BPNT1: variants seen among roughly 807,000 people sequenced by gnomAD.
BPNT1 encodes 3'(2'),5'-bisphosphate nucleotidase 1.
In BPNT1, 28 loss-of-function variants were observed where a neutral mutation model predicts 36.9. The observed-to-expected ratio is 0.76, with a 90% CI of 0.56 to 1.04. The LOEUF is 1.04. Ranked by LOEUF, BPNT1 falls within the 50% of genes least tolerant of loss-of-function variation. The probability of loss-of-function intolerance (pLI) is 0.00; values close to 1 mark genes in which losing one functional copy is unlikely to be tolerated. For missense variants in BPNT1, 313 were observed against 372.9 expected (o/e 0.84, Z 1.32); for synonymous variants, 119 against 130.9 (o/e 0.91, Z 0.62).
Position 220,059,749 on chromosome 1 carries a change from C to A in BPNT1, c.715G>T (p.Ala239Ser), listed in dbSNP as rs374532533. The change falls in exon 8 of 9, where the codon GCA becomes TCA. Residue 239 changes from alanine to serine, a missense_variant. Transcript: ENST00000322067. ...TCCCACTTCTTACAACCAGGACTTG[C>A]AAATACATAAGCAGAGGCTTTGCCT... ...IEGKASAYVF[A>S]SPGCKKWDTC... 98 of 1,610,884 alleles carry A rather than the reference C, an allele frequency of 6.1e-5. 1 individual carries two copies. Among genetic ancestry groups the A allele is most frequent in the South Asian group, 3.0e-4 (27 of 90,352 alleles).
At chr1:220,061,533 CAAA>C (rs533686309) in intron 7 of BPNT1, among the ~76,000 whole-genome samples, 2 of 78,238 alleles carry the variant, frequency 2.6e-5, no homozygotes, top group Non-Finnish European at 2.4e-5. Context: ...GACTCCGTCT[CAAA>C]AAAAAAAAAA....
chr1:220,077,424 A>G (rs2102722438), intron 2 of BPNT1, among the ~76,000 whole-genome samples: 1 of 151,916 alleles, frequency 6.6e-6, no homozygotes, highest in Non-Finnish European at 1.5e-5. Context: ...TTTTAGAGAC[A>G]GGGTTTTACT....
At chr1:220,080,022 C>T (rs547646316) in intron 1 of BPNT1, among the ~76,000 whole-genome samples, 168 bp from the exon 2 acceptor site, 1 of 152,148 alleles carries the variant, frequency 6.6e-6, no homozygotes, top group African/African-American at 2.4e-5. Context: ...CGAAAAAACT[C>T]GATTTGGGCA....
At chr1:220,062,578 A>G (rs958769505) in intron 7 of BPNT1, among the ~76,000 whole-genome samples, 179 bp downstream of exon 7, 7 of 151,942 alleles carry the variant, frequency 4.6e-5, no homozygotes, top group Non-Finnish European at 1.0e-4. Context: ...AGTCTTTGCT[A>G]TTGTGAATAG....
At chr1:220,086,843 C>T (rs1655773055) in intron 1 of BPNT1, among the ~76,000 whole-genome samples, 1 of 151,026 alleles carries the variant, frequency 6.6e-6, no homozygotes. Flanking sequence ...GCTGAGATTA[C>T]AGGTGTGAGC....
Position 220,058,532 on chromosome 1 carries a change from TTG to T in BPNT1, c.*310_*311del. The T allele has an allele frequency of 1.0e-6, 1 of 999,808 alleles. No individual in the cohort carries two copies. The highest frequency in any genetic ancestry group is 1.2e-6 in the Non-Finnish European group (1 of 833,844). The allele number at this position is 999,808 out of a possible 1,614,324, so 61.9% of individuals were successfully genotyped here. A position where few individuals can be genotyped will look rare whatever the true frequency, so the allele number is the denominator to read the frequency against. On this transcript the variant is annotated 3_prime_UTR_variant, in exon 9 of 9. Coordinates refer to ENST00000322067, the MANE Select transcript of BPNT1 (RefSeq NM_006085.6). ...GAAACTTTAAGTACTTTTTGGGTTT[TTG>T]TTTTTTTTTTTTCTGAGACAGGGCT... is the stretch of plus-strand genomic sequence containing the variant.
chr1:220,075,414 C>G (rs1664458633), intron 2 of BPNT1, among the ~76,000 whole-genome samples: 2 of 152,276 alleles, frequency 1.3e-5, no homozygotes, highest in South Asian at 4.1e-4. Flanking sequence ...TGTTTTATGC[C>G]TCACTGAGAT....
chr1:220,074,142 G>T, intron 2 of BPNT1, 71 bp from the exon 3 acceptor site: 1 of 1,344,088 alleles, frequency 7.4e-7, no homozygotes, highest in East Asian at 2.3e-5. Context: ...TTGTGCATGA[G>T]TGCCTACATA....
intron 3 of BPNT1, among the ~76,000 whole-genome samples, chr1:220,073,574 G>A (rs546003470): frequency 6.6e-6 from 1 of 152,302 alleles, no homozygotes; most frequent in South Asian, 2.1e-4. Context: ...TTACAGGCGT[G>A]AGCCACTGCG....
At chr1:220,078,320 T>G (rs1291592293) in intron 2 of BPNT1, among the ~76,000 whole-genome samples, 1 of 144,258 alleles carries the variant, frequency 6.9e-6, no homozygotes, top group East Asian at 2.0e-4. Context: ...ATATAATATA[T>G]ATAACATATA....
At chr1:220,082,712 G>A (rs1047330910) in intron 1 of BPNT1, among the ~76,000 whole-genome samples, 1 of 150,942 alleles carries the variant, frequency 6.6e-6, no homozygotes, top group African/African-American at 2.4e-5. Flanking sequence ...TCAGCCTCCC[G>A]AGTAGCTGAG....
chr1:220,081,560 T>C (rs377412413), intron 1 of BPNT1, among the ~76,000 whole-genome samples: 4 of 150,518 alleles, frequency 2.7e-5, no homozygotes, highest in Non-Finnish European at 4.4e-5. Context: ...AAAAAGAAAA[T>C]ATGAATTCAA....
chr1:220,079,879 C>A, intron 1 of BPNT1, 25 bp from the exon 2 acceptor site: 1 of 1,599,820 alleles, frequency 6.3e-7, no homozygotes. Context: ...AGAAAAATGT[C>A]TTGTTAGTTT....
At chr1:220,073,823 A>G (rs1664304108) in intron 3 of BPNT1, 144 bp downstream of exon 3, 1 of 786,954 alleles carries the variant, frequency 1.3e-6, no homozygotes, top group Non-Finnish European at 2.0e-6. Flanking sequence ...CCCCAAGTCC[A>G]AGGAATACAA....
intron 1 of BPNT1, among the ~76,000 whole-genome samples, chr1:220,082,063 AATAT>A (rs369837553): frequency 0.086 from 9,463 of 110,126 alleles, 462 homozygotes; most frequent in Admixed American, 0.11. Context: ...TTCCAAGGAC[AATAT>A]ATATATATAT....
chr1:220,061,533 CAA>C (rs533686309), intron 7 of BPNT1, among the ~76,000 whole-genome samples: 4 of 78,236 alleles, frequency 5.1e-5, no homozygotes, highest in Non-Finnish European at 7.3e-5. Flanking sequence ...GACTCCGTCT[CAA>C]AAAAAAAAAA....
intron 1 of BPNT1, among the ~76,000 whole-genome samples, chr1:220,084,879 G>C (rs1305862372): frequency 1.3e-5 from 2 of 152,172 alleles, no homozygotes; most frequent in African/African-American, 2.4e-5. Flanking sequence ...TAGTGTTGAT[G>C]TAAAGCACAC....
intron 3 of BPNT1, among the ~76,000 whole-genome samples, chr1:220,073,668 C>G (rs541725795): frequency 6.6e-6 from 1 of 152,038 alleles, no homozygotes; most frequent in Non-Finnish European, 1.5e-5. Flanking sequence ...CAAACAACAA[C>G]GAAACCCATT....
intron 1 of BPNT1, among the ~76,000 whole-genome samples, chr1:220,082,083 T>TAGAGAGAG (rs1239049784): frequency 6.3e-5 from 7 of 110,832 alleles, no homozygotes; most frequent in African/African-American, 2.3e-4. Flanking sequence ...TATATATATA[T>TAGAGAGAG]ATAGAGAGAG....
Sources: allele counts gnomAD v4.1 joint callset (sites outside exome capture counted in the v4.1 genomes callset), GRCh38; gene constraint gnomAD v4.1.1; transcripts MANE v1.5; gene names NCBI Gene and HGNC (gene_info 2026-07-23, HGNC 2026-07-21).